GPC5: variants seen among roughly 807,000 people sequenced by gnomAD.
The protein encoded by GPC5 is glypican-5.
GPC5 carries 47 observed loss-of-function variants against 53.9 expected under a neutral mutation model. The observed-to-expected ratio is 0.87, with a 90% CI of 0.69 to 1.11. The LOEUF (loss-of-function observed/expected upper bound fraction) is 1.11. GPC5 is among the 50% of genes most tolerant of loss of function. The probability of loss-of-function intolerance (pLI) is 0.00; values close to 1 mark genes in which losing one functional copy is unlikely to be tolerated. For synonymous variants in GPC5, 286 were observed against 263.3 expected (o/e 1.09, Z -0.84); for missense variants, 748 against 713.1 (o/e 1.05, Z -0.56).
intron 7 of GPC5, among the ~76,000 whole-genome samples, chr13:92,817,288 T>G (rs1566430885): frequency 6.6e-6 from 1 of 152,026 alleles, no homozygotes; most frequent in African/African-American, 2.4e-5. Context: ...AATCTACAAT[T>G]CTGCAGCAGG....
At chr13:92,005,749 C>G (rs1460725966) in intron 6 of GPC5, among the ~76,000 whole-genome samples, 1 of 152,134 alleles carries the variant, frequency 6.6e-6, no homozygotes, top group African/African-American at 2.4e-5. Flanking sequence ...AATTAGTGAT[C>G]AACAAATATC....
At chr13:92,139,175 C>T (rs565052441) in intron 6 of GPC5, among the ~76,000 whole-genome samples, 4 of 152,086 alleles carry the variant, frequency 2.6e-5, no homozygotes, top group South Asian at 4.1e-4. Flanking sequence ...TCCTTATTGG[C>T]GATAAGAAAA....
chr13:92,358,246 T>C (rs1444351642), intron 7 of GPC5, among the ~76,000 whole-genome samples: 1 of 151,746 alleles, frequency 6.6e-6, no homozygotes. Context: ...TCTTTATTGA[T>C]TCCATGTCTC....
At chr13:92,302,012 A>G (rs1172598336) in intron 7 of GPC5, among the ~76,000 whole-genome samples, 1 of 152,218 alleles carries the variant, frequency 6.6e-6, no homozygotes, top group Non-Finnish European at 1.5e-5. Context: ...TTGTGTGACT[A>G]TAGCTTAAAT....
intron 5 of GPC5, among the ~76,000 whole-genome samples, chr13:91,819,607 T>C (rs1228474504): frequency 2.0e-5 from 3 of 152,234 alleles, no homozygotes; most frequent in Non-Finnish European, 4.4e-5. Flanking sequence ...TTCATTTTAA[T>C]TGCTGAATAT....
chr13:92,160,005 C>T (rs1463394974), intron 7 of GPC5, among the ~76,000 whole-genome samples: 1 of 152,004 alleles, frequency 6.6e-6, no homozygotes, highest in African/African-American at 2.4e-5. Flanking sequence ...TGGGTTCAAG[C>T]AATTCTCCTG....
At chr13:91,644,067 T>C (rs1337438247) in intron 2 of GPC5, among the ~76,000 whole-genome samples, 1 of 152,054 alleles carries the variant, frequency 6.6e-6, no homozygotes. Flanking sequence ...ATAGGCTACA[T>C]AGGATATATT....
chr13:91,409,536 T>A (rs1235664158), intron 1 of GPC5, among the ~76,000 whole-genome samples: 1 of 152,264 alleles, frequency 6.6e-6, no homozygotes, highest in African/African-American at 2.4e-5. Flanking sequence ...GGAAATATCT[T>A]ACATAAGGAA....
intron 7 of GPC5, among the ~76,000 whole-genome samples, chr13:92,349,257 T>C (rs7321825): frequency 0.46 from 69,638 of 151,888 alleles, 17,075 homozygotes; most frequent in African/African-American, 0.65. Context: ...AATTCTCCTA[T>C]CTCAGCCTCC....
chr13:91,950,981 C>T (rs1371648700), intron 6 of GPC5, among the ~76,000 whole-genome samples: 1 of 152,164 alleles, frequency 6.6e-6, no homozygotes, highest in Non-Finnish European at 1.5e-5. Context: ...TATTACTACT[C>T]CTCCAATGGA....
chr13:92,041,679 T>C (rs148145230), intron 6 of GPC5, among the ~76,000 whole-genome samples: 3 of 152,282 alleles, frequency 2.0e-5, no homozygotes, highest in Non-Finnish European at 4.4e-5. Context: ...GTAAAAGTAA[T>C]GATTACGCCT....
intron 7 of GPC5, among the ~76,000 whole-genome samples, chr13:92,252,603 T>C (rs1159822153): frequency 6.6e-6 from 1 of 152,060 alleles, no homozygotes; most frequent in South Asian, 2.1e-4. Context: ...GCTTATACTT[T>C]TACCATTTCT....
intron 7 of GPC5, among the ~76,000 whole-genome samples, chr13:92,466,604 A>G (rs562442979): frequency 6.6e-6 from 1 of 152,240 alleles, no homozygotes; most frequent in South Asian, 2.1e-4. Flanking sequence ...TGGAAGCATT[A>G]AAGTGTGCAT....
At chr13:91,461,036 G>C (rs1286434199) in intron 2 of GPC5, among the ~76,000 whole-genome samples, 1 of 152,040 alleles carries the variant, frequency 6.6e-6, no homozygotes, top group Non-Finnish European at 1.5e-5. Flanking sequence ...GAAGGCAAAG[G>C]GCTTGAAATG....
intron 7 of GPC5, among the ~76,000 whole-genome samples, chr13:92,268,242 G>T (rs1029517982): frequency 6.6e-6 from 1 of 151,762 alleles, no homozygotes; most frequent in Non-Finnish European, 1.5e-5. Flanking sequence ...TCAAAAAAAG[G>T]TAAAAAGGAA....
chr13:92,182,929 G>A (rs574877589), intron 7 of GPC5, among the ~76,000 whole-genome samples: 1 of 151,908 alleles, frequency 6.6e-6, no homozygotes, highest in African/African-American at 2.4e-5. Context: ...CATCAAGGAC[G>A]TTGAAACAAA....
intron 7 of GPC5, among the ~76,000 whole-genome samples, chr13:92,807,655 T>G (rs1184857825): frequency 6.6e-6 from 1 of 152,104 alleles, no homozygotes; most frequent in Non-Finnish European, 1.5e-5. Flanking sequence ...TAGAATAGCT[T>G]GGCATCAGTG....
chr13:92,258,853 G>A (rs1249732450), intron 7 of GPC5, among the ~76,000 whole-genome samples: 1 of 152,112 alleles, frequency 6.6e-6, no homozygotes, highest in Non-Finnish European at 1.5e-5. Context: ...TTAGGCAGGA[G>A]GACTGCTGAA....
chr13:92,581,488 G>T (rs1463983741), intron 7 of GPC5, among the ~76,000 whole-genome samples: 1 of 152,112 alleles, frequency 6.6e-6, no homozygotes, highest in Non-Finnish European at 1.5e-5. Flanking sequence ...CACATAGGGT[G>T]ATTCCATATT....
Sources: allele counts gnomAD v4.1 joint callset (sites outside exome capture counted in the v4.1 genomes callset), GRCh38; gene constraint gnomAD v4.1.1; transcripts MANE v1.5; gene names NCBI Gene and HGNC (gene_info 2026-07-23, HGNC 2026-07-21).